MOGAT1: variants seen among roughly 807,000 people sequenced by gnomAD.
The protein encoded by MOGAT1 is 2-acylglycerol O-acyltransferase 1.
A neutral mutation model predicts 31.4 loss-of-function variants in MOGAT1; 32 were observed. That is an observed-to-expected ratio of 1.02 (90% confidence interval 0.77 to 1.37). MOGAT1 has a LOEUF of 1.37. Ranked by LOEUF, MOGAT1 falls within the 40% of genes most tolerant of loss-of-function variation. The probability of loss-of-function intolerance (pLI) is 0.00; values close to 1 mark genes in which losing one functional copy is unlikely to be tolerated. For missense variants in MOGAT1, 426 were observed against 402.0 expected, an observed-to-expected ratio of 1.06 and a Z score of -0.51; for synonymous variants, 145 against 144.5, an observed-to-expected ratio of 1.00 and a Z score of -0.03.
chr2:222,689,337 G>A lies in MOGAT1; in HGVS notation c.346G>A (p.Val116Ile), dbSNP rs1003682793. 1 of 1,614,016 alleles carries A rather than the reference G, an allele frequency of 6.2e-7. No homozygotes were observed. Among genetic ancestry groups the A allele is most frequent in the Non-Finnish European group, 8.5e-7 (1 of 1,179,868 alleles). Residue 116 changes from valine (V) to isoleucine (I), a missense_variant, in exon 3 of 6, where the codon GTT becomes ATT. Coordinates refer to ENST00000446656, the MANE Select transcript of MOGAT1 (RefSeq NM_058165.3). ...GTTTCACCCCCATGGAATAATGGCA[G>A]TTGGAGCCTTTGGGAATTTTTCTGT... ...FGFHPHGIMA[V>I]GAFGNFSVNY...
At chr2:222,696,535 CAT>C (rs1197030852) in intron 5 of MOGAT1, among the ~76,000 whole-genome samples, 8 of 152,132 alleles carry the variant, frequency 5.3e-5, no homozygotes, top group African/African-American at 1.2e-4. Flanking sequence ...AGCATTTTTT[CAT>C]ATGTTTGTTG....
rs192414105 is a variant in MOGAT1 at position 222,697,659 on chromosome 2, C to T, written c.853+2371C>T. Among the ~76,000 whole-genome samples the T allele has an allele frequency of 1.8e-4, 27 of 150,886 alleles. No homozygotes were observed. In the East Asian group the frequency reaches 4.7e-3, roughly 26 times the overall value. On this transcript the variant is annotated intron_variant, in intron 5 of 5. Coordinates refer to ENST00000446656, the MANE Select transcript of MOGAT1 (RefSeq NM_058165.3). ...GTGCAATGGCATGATCTGCAACCTC[C>T]GCCTCCTGGGTTCAAGCAATTCTCC...
chr2:222,696,895 C>T (rs762425905), intron 5 of MOGAT1, among the ~76,000 whole-genome samples: 3 of 151,982 alleles, frequency 2.0e-5, no homozygotes, highest in Admixed American at 6.6e-5. Flanking sequence ...TAAAAATTAG[C>T]GGGGCACCAT....
intron 3 of MOGAT1, among the ~76,000 whole-genome samples, chr2:222,691,706 C>T (rs1296270102): frequency 1.3e-5 from 2 of 152,238 alleles, no homozygotes; most frequent in African/African-American, 2.4e-5. Context: ...TCCACTGTGC[C>T]TGCCCAAGCG....
At chr2:222,690,071 A>G (rs1397240579) in intron 3 of MOGAT1, among the ~76,000 whole-genome samples, 4 of 152,108 alleles carry the variant, frequency 2.6e-5, no homozygotes, top group African/African-American at 7.2e-5. Flanking sequence ...CTTGGGCCAC[A>G]TGGCAAAACC....
chr2:222,697,874 G>A (rs909486704), intron 5 of MOGAT1, among the ~76,000 whole-genome samples: 12 of 151,876 alleles, frequency 7.9e-5, no homozygotes, highest in African/African-American at 2.9e-4. Flanking sequence ...CGCCTGTACA[G>A]AATCTTTTTT....
chr2:222,676,288 C>A (rs1193834266), intron 1 of MOGAT1, among the ~76,000 whole-genome samples: 3 of 151,882 alleles, frequency 2.0e-5, no homozygotes, highest in Non-Finnish European at 4.4e-5. Context: ...TGTGCCTGAT[C>A]TGATCTGATC....
At chr2:222,683,768 G>A (rs1692621730) in intron 1 of MOGAT1, among the ~76,000 whole-genome samples, 1 of 152,088 alleles carries the variant, frequency 6.6e-6, no homozygotes, top group Non-Finnish European at 1.5e-5. Flanking sequence ...CAACAATCTG[G>A]AGAAAGTAGA....
intron 3 of MOGAT1, among the ~76,000 whole-genome samples, chr2:222,693,895 C>T (rs543123174): frequency 6.6e-6 from 1 of 152,216 alleles, no homozygotes; most frequent in Admixed American, 6.5e-5. Context: ...TATCTGAAAA[C>T]AGGCCATTAT....
chr2:222,707,667 G>A (rs1015852118), intron 5 of MOGAT1, among the ~76,000 whole-genome samples: 1 of 152,172 alleles, frequency 6.6e-6, no homozygotes, highest in African/African-American at 2.4e-5. Flanking sequence ...CAGGACTTAT[G>A]TCTACTATGT....
chr2:222,672,264 C>G (rs146797774), intron 1 of MOGAT1, among the ~76,000 whole-genome samples: 173 of 152,316 alleles, frequency 1.1e-3, no homozygotes, highest in African/African-American at 3.8e-3. Context: ...ACTGTTGATT[C>G]ATAGATGGCA....
intron 5 of MOGAT1, among the ~76,000 whole-genome samples, chr2:222,708,344 A>C (rs1693037710): frequency 6.6e-6 from 1 of 152,142 alleles, no homozygotes; most frequent in South Asian, 2.1e-4. Context: ...TCAGCCTCCC[A>C]AAGTGTTGGG....
At chr2:222,704,337 T>C (rs1692971542) in intron 5 of MOGAT1, among the ~76,000 whole-genome samples, 1 of 152,010 alleles carries the variant, frequency 6.6e-6, no homozygotes, top group Non-Finnish European at 1.5e-5. Flanking sequence ...CTTTTAAGAG[T>C]ATCCCGGCCA....
chr2:222,698,056 T>C lies in MOGAT1; in HGVS notation c.853+2768T>C, dbSNP rs1692861103. On this transcript the variant is annotated intron_variant, in intron 5 of 5. Transcript: ENST00000446656. ...ACATATGTTTATAAGACATTGAGAT[T>C]CTTATGACAAGAGACATCCCTGTAG... 2.0e-5 allele frequency among the ~76,000 whole-genome samples: 3 copies of C among 152,300 alleles called. No individual in the cohort carries two copies. The South Asian group carries it at 6.2e-4, about 32-fold the overall frequency.
chr2:222,690,571 G>GA (rs960459872), intron 3 of MOGAT1, among the ~76,000 whole-genome samples: 205 of 151,682 alleles, frequency 1.4e-3, no homozygotes, highest in African/African-American at 4.6e-3. Flanking sequence ...AAGAAAGAAA[G>GA]AAAAAAAAGA....
In MOGAT1 at chr2:222,695,196, T is replaced by TCATG; in HGVS notation, c.762_765dup (p.Gly256HisfsTer24). 6.2e-7 allele frequency: 1 copy of TCATG among 1,613,750 alleles called. No individual in the cohort carries two copies. The highest frequency in any genetic ancestry group is 8.5e-7 in the Non-Finnish European group (1 of 1,179,778). On this transcript the variant is annotated frameshift_variant, in exon 5 of 6. Coordinates refer to ENST00000446656, the MANE Select transcript of MOGAT1 (RefSeq NM_058165.3). LOFTEE classifies it high-confidence loss of function. Reference sequence around the variant, plus strand: ...ACTGTTCAGAATAAACTGCAGAAGATCATGGGGTTTGCTTTGCCCCTGTTT... The same window carrying TCATG: ...ACTGTTCAGAATAAACTGCAGAAGATCATGCATGGGGTTTGCTTTGCCCCTGTTT...
chr2:222,701,831 A>G (rs1004244189), intron 5 of MOGAT1, among the ~76,000 whole-genome samples: 1 of 152,200 alleles, frequency 6.6e-6, no homozygotes, highest in African/African-American at 2.4e-5. Context: ...GATGTACAGA[A>G]GGAAGTGGTA....
At chr2:222,671,904 C>T (rs1692424572) in intron 1 of MOGAT1, 25 bp downstream of exon 1, 3 of 1,535,622 alleles carry the variant, frequency 2.0e-6, no homozygotes, top group Non-Finnish European at 2.6e-6. Flanking sequence ...CCCCGGGCCG[C>T]GGGGCTTGGG....
In MOGAT1 at chr2:222,694,435, T is replaced by C. The variant is rs1315476948; in HGVS notation, c.552T>C (p.Ile184=). ...AGGGAGGTGGAAACATCTCTGTCAT[T>C]GTCCTTGGGGGTGCAAAAGAATCAC... ...SKEGGGNISV[I]VLGGAKESLD... The change falls in exon 4 of 6, where the codon ATT becomes ATC. Residue 184 remains isoleucine, a synonymous_variant. Transcript: ENST00000446656. The C allele has an allele frequency of 6.2e-7, 1 of 1,613,904 alleles. No individual in the cohort carries two copies. The highest frequency in any genetic ancestry group is 1.3e-5 in the African/African-American group (1 of 75,052).
Sources: gnomAD v4.1 joint callset for allele counts (sites outside exome capture counted in the v4.1 genomes callset) on GRCh38, gnomAD v4.1.1 for gene constraint, MANE v1.5 for transcripts, NCBI Gene and HGNC (gene_info 2026-07-23, HGNC 2026-07-21) for gene names.